The following SPOPL variants were observed in gnomAD, a reference collection of about 807,000 sequenced individuals.
The protein encoded by SPOPL is speckle type BTB/POZ protein like.
Under a neutral mutation model 53.8 loss-of-function variants are expected in SPOPL, and 23 were observed. The ratio of observed to expected loss-of-function variants is 0.43; its 90% CI spans 0.31 to 0.61. The LOEUF is 0.61. Among genes scored for constraint, SPOPL ranks in the 20% least tolerant of loss-of-function variants. SPOPL has a pLI of 0.12. For synonymous variants in SPOPL, 164 were observed against 149.7 expected (o/e 1.10, Z -0.70); for missense variants, 442 against 466.9 (o/e 0.95, Z 0.49).
intron 10 of SPOPL, among the ~76,000 whole-genome samples, chr2:138,565,218 G>A (rs756627164): frequency 7.9e-5 from 12 of 152,154 alleles, no homozygotes; most frequent in African/African-American, 2.2e-4. Flanking sequence ...TATCTTAAGC[G>A]CATAATGCCA....
At chr2:138,522,466 C>G (rs1312502397) in intron 1 of SPOPL, among the ~76,000 whole-genome samples, 2 of 151,948 alleles carry the variant, frequency 1.3e-5, no homozygotes, top group African/African-American at 4.8e-5. Flanking sequence ...TTTTTTAAAA[C>G]TGGGGTCCTG....
chr2:138,555,109 G>A (rs1021044856), intron 5 of SPOPL, among the ~76,000 whole-genome samples: 2 of 148,338 alleles, frequency 1.3e-5, no homozygotes, highest in Middle Eastern at 3.4e-3. Flanking sequence ...GGGGAAGAGT[G>A]GGGGTTGTTG....
rs963524523 is a variant in SPOPL, at chr2:138,571,638, C to T, written c.*2558C>T. On this transcript the variant is annotated 3_prime_UTR_variant, in exon 11 of 11. Transcript: ENST00000280098. ...ACATGAGTGCTCTAATAGCCTCCTT[C>T]TCCTCATTTTTAAACTGCATACATT... 1 of 152,500 alleles carries T rather than the reference C, an allele frequency of 6.6e-6. No homozygotes were observed. Among genetic ancestry groups the T allele is most frequent in the African/African-American group, 2.4e-5 (1 of 41,430 alleles). 9.4% of individuals were successfully genotyped at this position (152,500 alleles called of 1,614,324 possible).
Position 138,568,984 on chromosome 2 carries a change from GTC to G in SPOPL, c.1086_1087del (p.His363ProfsTer37). 6.2e-7 allele frequency: 1 copy of G among 1,614,052 alleles called. No homozygotes were observed. Among genetic ancestry groups the G allele is most frequent in the South Asian group, 1.1e-5 (1 of 91,088 alleles). ...ETSGWKSMIQ[S>X]HPHLVAEAFR... ...CATCAGGGTGGAAGTCCATGATTCA[GTC>G]TCACCCTCATTTAGTAGCAGAAGCC... On this transcript the variant is annotated frameshift_variant, in exon 11 of 11. Coordinates refer to ENST00000280098, the MANE Select transcript of SPOPL (RefSeq NM_001001664.3). LOFTEE classifies it high-confidence loss of function.
At chr2:138,554,969 G>T (rs1325560380) in intron 5 of SPOPL, among the ~76,000 whole-genome samples, 2 of 152,128 alleles carry the variant, frequency 1.3e-5, no homozygotes, top group African/African-American at 4.8e-5. Context: ...TAAAAGAACA[G>T]AATTTTTATT....
chr2:138,526,727 A>ATTTT (rs34816039), intron 1 of SPOPL, among the ~76,000 whole-genome samples: 1 of 140,704 alleles, frequency 7.1e-6, no homozygotes, highest in Admixed American at 7.1e-5. Context: ...AGAGTATGGA[A>ATTTT]TTTTTTTTTT....
At position 138,550,534 on chromosome 2, in the gene SPOPL, TG is replaced by T; in HGVS notation, c.131del (p.Cys44PhefsTer9). 1 of 1,612,044 alleles carries T rather than the reference TG, an allele frequency of 6.2e-7. No individual in the cohort carries two copies. Among genetic ancestry groups the T allele is most frequent in the Non-Finnish European group, 8.5e-7 (1 of 1,178,422 alleles). ...GTGGACCATTAATAACTTCAGTTTT[TG>T]TCGAGAGGAAATGGGTGAAGTGTTA... ...YMWTINNFSF[C>X]REEMGEVLKS... On this transcript the variant is annotated frameshift_variant, in exon 3 of 11. Coordinates refer to ENST00000280098, the MANE Select transcript of SPOPL (RefSeq NM_001001664.3). LOFTEE classifies it high-confidence loss of function.
At chr2:138,529,028 A>G (rs1255504451) in intron 1 of SPOPL, among the ~76,000 whole-genome samples, 1 of 152,218 alleles carries the variant, frequency 6.6e-6, no homozygotes, top group African/African-American at 2.4e-5. Context: ...AATGTTATTT[A>G]TACATTTTAG....
intron 1 of SPOPL, among the ~76,000 whole-genome samples, chr2:138,531,961 A>G (rs1355061354): frequency 1.3e-5 from 2 of 152,180 alleles, no homozygotes; most frequent in Non-Finnish European, 2.9e-5. Flanking sequence ...GATAACTTTT[A>G]TCCAATCAGG....
intron 1 of SPOPL, among the ~76,000 whole-genome samples, chr2:138,508,842 GTT>G (rs1684268558): frequency 6.6e-6 from 1 of 151,898 alleles, no homozygotes; most frequent in African/African-American, 2.4e-5. Context: ...TTGGTTTTAA[GTT>G]TTGTTATGTC....
At chr2:138,565,217 C>T (rs2376009) in intron 10 of SPOPL, among the ~76,000 whole-genome samples, 74,186 of 152,074 alleles carry the variant, frequency 0.49, 22,127 homozygotes, top group Non-Finnish European at 0.67. Context: ...ATATCTTAAG[C>T]GCATAATGCC....
chr2:138,539,866 G>C (rs1685028704), intron 1 of SPOPL, among the ~76,000 whole-genome samples: 1 of 152,104 alleles, frequency 6.6e-6, no homozygotes, highest in Non-Finnish European at 1.5e-5. Flanking sequence ...TTTCTTCTAG[G>C]GTTTTTATGG....
intron 5 of SPOPL, among the ~76,000 whole-genome samples, chr2:138,552,914 A>G (rs1158851552): frequency 1.3e-5 from 2 of 152,102 alleles, no homozygotes; most frequent in African/African-American, 4.8e-5. Flanking sequence ...CACTTATACT[A>G]CAACATACTA....
intron 1 of SPOPL, among the ~76,000 whole-genome samples, chr2:138,530,492 G>A (rs887670896): frequency 6.6e-6 from 1 of 152,096 alleles, no homozygotes; most frequent in Non-Finnish European, 1.5e-5. Flanking sequence ...TATGAATACT[G>A]TATATCCCTT....
At chr2:138,567,440 G>A (rs1360870534) in intron 10 of SPOPL, among the ~76,000 whole-genome samples, 2 of 134,730 alleles carry the variant, frequency 1.5e-5, no homozygotes, top group Non-Finnish European at 3.3e-5. Context: ...TGTGTTGCGG[G>A]CGGGGAGGTA....
chr2:138,551,630 A>T (rs564933816), intron 4 of SPOPL, among the ~76,000 whole-genome samples: 1 of 152,062 alleles, frequency 6.6e-6, no homozygotes, highest in Non-Finnish European at 1.5e-5. Flanking sequence ...GTGTGGCAGG[A>T]GAATAATATT....
chr2:138,543,177 T>A (rs926197646), intron 1 of SPOPL, among the ~76,000 whole-genome samples: 3 of 152,220 alleles, frequency 2.0e-5, no homozygotes, highest in African/African-American at 7.2e-5. Flanking sequence ...ATTTTTTCCT[T>A]CATTTCAACT....
At chr2:138,542,564 C>G (rs528075645) in intron 1 of SPOPL, among the ~76,000 whole-genome samples, 1 of 152,104 alleles carries the variant, frequency 6.6e-6, no homozygotes, top group African/African-American at 2.4e-5. Flanking sequence ...CAATCCCTGC[C>G]TTTTTTTGTT....
intron 1 of SPOPL, among the ~76,000 whole-genome samples, chr2:138,542,086 A>G (rs907548541): frequency 2.0e-5 from 3 of 152,276 alleles, no homozygotes; most frequent in African/African-American, 4.8e-5. Flanking sequence ...CTTTGATTGC[A>G]CTGTGGTCTG....
Sources: gnomAD v4.1 joint callset for allele counts (sites outside exome capture counted in the v4.1 genomes callset) on GRCh38, gnomAD v4.1.1 for gene constraint, MANE v1.5 for transcripts, NCBI Gene and HGNC (gene_info 2026-07-23, HGNC 2026-07-21) for gene names.